Variants in AATF observed in about 807,000 individuals in gnomAD.
AATF encodes apoptosis antagonizing transcription factor, also known as protein AATF.
In AATF, 48 loss-of-function variants were observed where a neutral mutation model predicts 63.7. The ratio of observed to expected loss-of-function variants is 0.75; its 90% CI spans 0.60 to 0.96. AATF has a LOEUF of 0.96. AATF is among the 40% of genes least tolerant of loss of function. The pLI is 0.00. For missense variants in AATF, 639 were observed against 685.7 expected (o/e 0.93, Z 0.76); for synonymous variants, 258 against 247.7 (o/e 1.04, Z -0.39).
chr17:36,988,738 C>T lies in AATF; in HGVS notation c.1149+18C>T, dbSNP rs143005545. The stretch of plus-strand genomic sequence containing the variant: ...TGGGGAAGGCAAGTGTGTGTATGCG[C>T]GCATGTATGTGTAAGATAGGTTGTG... On this transcript the variant is annotated intron_variant, in intron 6 of 11. Coordinates refer to ENST00000619387, the MANE Select transcript of AATF (RefSeq NM_012138.4). 79 of 1,611,262 alleles carry T rather than the reference C, an allele frequency of 4.9e-5. No individual in the cohort carries two copies. In the African/African-American group the frequency reaches 5.9e-4, roughly 12 times the overall value.
intron 4 of AATF, among the ~76,000 whole-genome samples, chr17:36,969,610 G>A (rs1017527866): frequency 2.0e-5 from 3 of 152,118 alleles, no homozygotes; most frequent in Non-Finnish European, 4.4e-5. Flanking sequence ...TCTTGCTTAG[G>A]TTAGCTAAGT....
chr17:36,950,167 T>A, intron 1 of AATF, 47 bp from the exon 2 acceptor site: 1 of 1,584,488 alleles, frequency 6.3e-7, no homozygotes, highest in Non-Finnish European at 8.6e-7. Context: ...CCGTTAAAGT[T>A]TCTGCTAACC....
intron 8 of AATF, among the ~76,000 whole-genome samples, chr17:37,018,769 CAAT>C (rs1365128499): frequency 6.6e-6 from 1 of 152,196 alleles, no homozygotes; most frequent in East Asian, 1.9e-4. Context: ...AACTGCGGTA[CAAT>C]AAGTCTTCCA....
intron 8 of AATF, among the ~76,000 whole-genome samples, chr17:37,007,431 T>G (rs1406024364): frequency 1.3e-5 from 2 of 148,592 alleles, no homozygotes; most frequent in East Asian, 4.0e-4. Flanking sequence ...CTCAAACTAC[T>G]GGCCTCAGGT....
At chr17:36,992,614 A>ATT (rs5820200) in intron 8 of AATF, among the ~76,000 whole-genome samples, 13,185 of 138,132 alleles carry the variant, frequency 0.095, 757 homozygotes, top group East Asian at 0.14. Flanking sequence ...CTTAGTCTGA[A>ATT]TTTTTTTTTT....
intron 8 of AATF, among the ~76,000 whole-genome samples, chr17:36,992,109 A>G (rs1006068789): frequency 1.3e-5 from 2 of 152,230 alleles, no homozygotes; most frequent in Admixed American, 6.5e-5. Flanking sequence ...GTATATGGAT[A>G]TGAAGAAGAA....
chr17:36,985,521 C>T (rs1312834197), intron 4 of AATF, among the ~76,000 whole-genome samples: 1 of 150,344 alleles, frequency 6.7e-6, no homozygotes, highest in Non-Finnish European at 1.5e-5. Flanking sequence ...TGGACTCAAG[C>T]AGTCCTCCCC....
intron 1 of AATF, 77 bp downstream of exon 1, chr17:36,949,293 G>A (rs2070833594): frequency 2.2e-6 from 3 of 1,390,790 alleles, no homozygotes; most frequent in South Asian, 1.4e-5. Context: ...CGTGGGAGGG[G>A]CGTGCGCGAG....
At chr17:36,989,464 A>T (rs887321712) in intron 7 of AATF, 53 bp downstream of exon 7, 1 of 1,499,066 alleles carries the variant, frequency 6.7e-7, no homozygotes, top group African/African-American at 1.4e-5. Context: ...TATGAGGCTT[A>T]TTAGCTGAAA....
At chr17:36,978,929 T>C (rs1448106520) in intron 4 of AATF, among the ~76,000 whole-genome samples, 1 of 151,994 alleles carries the variant, frequency 6.6e-6, no homozygotes, top group African/African-American at 2.4e-5. Flanking sequence ...TTAAGGCTTA[T>C]TGTTATTCTG....
chr17:37,022,112 C>CCGTG, intron 10 of AATF, among the ~76,000 whole-genome samples: 1 of 107,234 alleles, frequency 9.3e-6, no homozygotes, highest in African/African-American at 4.3e-5. Context: ...TTGGTAACTG[C>CCGTG]CGTGTGTGTG....
At chr17:36,973,809 G>A (rs1004985641) in intron 4 of AATF, among the ~76,000 whole-genome samples, 2 of 152,210 alleles carry the variant, frequency 1.3e-5, no homozygotes, top group African/African-American at 4.8e-5. Flanking sequence ...GGTGGCTTAC[G>A]CCTATAATCC....
Position 36,953,757 on chromosome 17 carries a change from T to C in AATF, c.695-13T>C, listed in dbSNP as rs774290497. ...TATTATTGAGGAATGGGATTCTCTTTTCTTCTTTTCAGCACTGTGGGACCA... is the reference window on the plus strand; with the variant it reads ...TATTATTGAGGAATGGGATTCTCTTCTCTTCTTTTCAGCACTGTGGGACCA... On this transcript the variant is annotated splice_polypyrimidine_tract_variant and intron_variant, in intron 3 of 11. Transcript: ENST00000619387. 1.2e-6 allele frequency: 2 copies of C among 1,606,234 alleles called. No homozygotes were observed. Among genetic ancestry groups the C allele is most frequent in the Non-Finnish European group, 1.7e-6 (2 of 1,177,822 alleles).
At chr17:36,989,666 A>T (rs1199987785) in intron 7 of AATF, among the ~76,000 whole-genome samples, 5 of 152,174 alleles carry the variant, frequency 3.3e-5, no homozygotes. Flanking sequence ...TAGTAGAAGC[A>T]TTCATAATCC....
Position 37,056,647 on chromosome 17 carries a change from G to T in AATF, c.1666G>T (p.Glu556Ter). Residue 556 changes from glutamate (E) to a stop codon, truncating the protein, a stop_gained, in exon 12 of 12, where the codon GAA becomes TAA. Coordinates refer to ENST00000619387, the MANE Select transcript of AATF (RefSeq NM_012138.4). LOFTEE classifies it high-confidence loss of function. ...TTTTGGCCAGCTCCACCCTCCCGAC[G>T]AAGGCCACGGGGATTGACATCGCCC... ...SLFGQLHPPD[E>*]GHGD 2 of 1,614,194 alleles carry T rather than the reference G, an allele frequency of 1.2e-6. No individual in the cohort carries two copies. The highest frequency in any genetic ancestry group is 1.1e-5 in the South Asian group (1 of 91,088).
Position 36,974,478 on chromosome 17 carries a change from CT to C in AATF, c.833-12136del, listed in dbSNP as rs1486786931. 2.6e-5 allele frequency among the ~76,000 whole-genome samples: 4 copies of C among 152,080 alleles called. No homozygotes were observed. In the East Asian group the frequency reaches 7.7e-4, roughly 29 times the overall value. On this transcript the variant is annotated intron_variant, in intron 4 of 11. Transcript: ENST00000619387. ...AAATCTTTACTCATATGCATACTTA[CT>C]TTGTTGCATAAATCTCTAAATGTGG...
At position 37,029,123 on chromosome 17, in the gene AATF, C is replaced by G. The variant is rs566434416; in HGVS notation, c.1548-2491C>G. ...CCAGCCTGAGCTACAAAGCCCAGAC[C>G]GGAGGGCTCACTGCAGTCTCAACCT... On this transcript the variant is annotated intron_variant, in intron 10 of 11. Transcript: ENST00000619387. 2.0e-5 allele frequency among the ~76,000 whole-genome samples: 3 copies of G among 152,198 alleles called. No homozygotes were observed. In the South Asian group the frequency reaches 6.2e-4, roughly 32 times the overall value.
intron 8 of AATF, among the ~76,000 whole-genome samples, chr17:36,991,350 T>C (rs2071213130): frequency 6.6e-6 from 1 of 152,206 alleles, no homozygotes; most frequent in African/African-American, 2.4e-5. Context: ...TGTCTGCAAC[T>C]GTTGATTATA....
rs745794396 is a variant in AATF, at chr17:36,950,388, C to T, written c.266C>T (p.Thr89Ile). ...TGGAATGAAGACCATTGGGAGCAGA[C>T]TCTGCCAGGATCGTCTGGTGAGTAG... ...KAWNEDHWEQ[T>I]LPGSSDEEIS... The change falls in exon 2 of 12, where the codon ACT becomes ATT. Residue 89 changes from threonine to isoleucine, a missense_variant. By Grantham distance (89) the Thr-to-Ile change is moderately conservative. Coordinates refer to ENST00000619387, the MANE Select transcript of AATF (RefSeq NM_012138.4). The T allele has an allele frequency of 1.4e-5, 23 of 1,614,008 alleles. No homozygotes were observed. Among genetic ancestry groups the T allele is most frequent in the Non-Finnish European group, 2.5e-6 (3 of 1,179,958 alleles).
Sources: gnomAD v4.1 joint callset for allele counts (sites outside exome capture counted in the v4.1 genomes callset) on GRCh38, gnomAD v4.1.1 for gene constraint, MANE v1.5 for transcripts, NCBI Gene and HGNC (gene_info 2026-07-23, HGNC 2026-07-21) for gene names.